Variants in SNX24 observed in about 807,000 individuals in gnomAD.
SNX24 encodes sorting nexin 24.
Under a neutral mutation model 28.7 loss-of-function variants are expected in SNX24, and 22 were observed. The ratio of observed to expected loss-of-function variants is 0.77; its 90% confidence interval spans 0.55 to 1.10. SNX24 has a LOEUF of 1.10. SNX24 is among the 50% of genes least tolerant of loss of function. SNX24 has a pLI of 0.00. For synonymous variants in SNX24, 69 were observed against 71.5 expected (o/e 0.96, Z 0.18); for missense variants, 221 against 201.1 (o/e 1.10, Z -0.60).
At chr5:122,874,244 C>T (rs551970813) in intron 1 of SNX24, among the ~76,000 whole-genome samples, 1 of 152,324 alleles carries the variant, frequency 6.6e-6, no homozygotes, top group East Asian at 1.9e-4. Context: ...AATTAGTATG[C>T]AACCCCAAAG....
chr5:123,000,629 C>T lies in SNX24; in HGVS notation c.344+623C>T, dbSNP rs547209142. Among the ~76,000 whole-genome samples the T allele has an allele frequency of 2.0e-5, 3 of 152,212 alleles. No individual in the cohort carries two copies. The East Asian group carries it at 5.8e-4, about 29-fold the overall frequency. On this transcript the variant is annotated intron_variant, in intron 4 of 6. Coordinates refer to ENST00000261369, the MANE Select transcript of SNX24 (RefSeq NM_014035.4). ...AACCCATTGGTCCTAACCCAAGGAC[C>T]CAGAGGTTTGATATCATCAGCAATT...
At chr5:122,979,048 A>G (rs1761284528) in intron 3 of SNX24, among the ~76,000 whole-genome samples, 1 of 142,282 alleles carries the variant, frequency 7.0e-6, no homozygotes, top group Non-Finnish European at 1.5e-5. Context: ...TATCCCTTCT[A>G]AAACAGTCTT....
chr5:123,019,289 G>GAA (rs76674069), intron 5 of SNX24, among the ~76,000 whole-genome samples: 33 of 128,298 alleles, frequency 2.6e-4, no homozygotes, highest in Middle Eastern at 3.7e-3. Context: ...TCTTTAATTT[G>GAA]AAAAAAAAAA....
intron 3 of SNX24, among the ~76,000 whole-genome samples, chr5:122,993,080 T>C (rs1761921251): frequency 6.6e-6 from 1 of 152,098 alleles, no homozygotes. Context: ...TCCTCAGATT[T>C]CTTGCAAGAT....
At chr5:122,972,450 C>G (rs1231419109) in intron 3 of SNX24, among the ~76,000 whole-genome samples, 2 of 152,160 alleles carry the variant, frequency 1.3e-5, no homozygotes, top group Non-Finnish European at 2.9e-5. Context: ...CTGCCCCAGC[C>G]CTGCAAAGTA....
chr5:122,898,582 C>G (rs957175844), intron 1 of SNX24, among the ~76,000 whole-genome samples: 1 of 151,972 alleles, frequency 6.6e-6, no homozygotes, highest in African/African-American at 2.4e-5. Context: ...GTTCTTTGGT[C>G]TGGGAAAGGA....
chr5:123,008,976 A>C lies in SNX24; in HGVS notation c.*1227A>C. ...CTGTGGGAGCAAGGTATTTAAAATC[A>C]AAACTAATAACTACATCATGGTTTT... On this transcript the variant is annotated 3_prime_UTR_variant, in exon 7 of 7. Coordinates refer to ENST00000261369, the MANE Select transcript of SNX24 (RefSeq NM_014035.4). 4 of 985,808 alleles carry C rather than the reference A, an allele frequency of 4.1e-6. No individual in the cohort carries two copies. Among genetic ancestry groups the C allele is most frequent in the Non-Finnish European group, 4.8e-6 (4 of 829,856 alleles). The allele number at this position is 985,808 out of a possible 1,614,324, so 61.1% of individuals were successfully genotyped here.
chr5:122,981,074 G>A (rs1761375521), intron 3 of SNX24, among the ~76,000 whole-genome samples: 1 of 152,138 alleles, frequency 6.6e-6, no homozygotes, highest in Non-Finnish European at 1.5e-5. Flanking sequence ...CCAAAGTATT[G>A]ATTGTGAAAA....
At chr5:122,934,194 C>T (rs1034349822) in intron 1 of SNX24, among the ~76,000 whole-genome samples, 3 of 152,052 alleles carry the variant, frequency 2.0e-5, no homozygotes, top group East Asian at 1.9e-4. Flanking sequence ...TTCCCAGCGC[C>T]GTCCTGGAGG....
chr5:123,024,785 A>G (rs1377598649), intron 5 of SNX24, among the ~76,000 whole-genome samples: 1 of 152,248 alleles, frequency 6.6e-6, no homozygotes, highest in African/African-American at 2.4e-5. Flanking sequence ...TGAGGGAGGT[A>G]GAATAAGTCA....
At chr5:122,853,383 T>C (rs1390507892) in intron 1 of SNX24, among the ~76,000 whole-genome samples, 1 of 152,134 alleles carries the variant, frequency 6.6e-6, no homozygotes, top group Non-Finnish European at 1.5e-5. Flanking sequence ...CGCCTCGGCC[T>C]CCCAAAGTGC....
intron 3 of SNX24, among the ~76,000 whole-genome samples, chr5:122,946,905 T>C (rs1159108269): frequency 6.6e-6 from 1 of 152,172 alleles, no homozygotes; most frequent in African/African-American, 2.4e-5. Flanking sequence ...GGGCAGGCCC[T>C]GAGGTCAGCC....
chr5:122,976,119 A>T (rs1412352197), intron 3 of SNX24, among the ~76,000 whole-genome samples: 1 of 152,188 alleles, frequency 6.6e-6, no homozygotes, highest in Admixed American at 6.5e-5. Flanking sequence ...CTTTAAATGT[A>T]TGTATTCTGA....
intron 5 of SNX24, chr5:123,023,833 C>CACACACACACACAT: frequency 1.9e-6 from 3 of 1,607,830 alleles, no homozygotes; most frequent in Non-Finnish European, 2.5e-6. Flanking sequence ...CACACACACA[C>CACACACACACACAT]ACACCCCTGC....
At chr5:122,965,449 G>T (rs772112267) in intron 3 of SNX24, 2 of 455,658 alleles carry the variant, frequency 4.4e-6, no homozygotes, top group Non-Finnish European at 8.8e-6. Context: ...CAAGAGAAAT[G>T]TGGGTGCTTA....
chr5:123,006,213 C>T lies in SNX24; in HGVS notation c.443-1469C>T, dbSNP rs183369205. Reference sequence around the variant, plus strand: ...TTGACTTCCCCTTTGGCAAGTCTCACGGGTGCCTCAAACACAAGTTCCAGA... The same window carrying T: ...TTGACTTCCCCTTTGGCAAGTCTCATGGGTGCCTCAAACACAAGTTCCAGA... On this transcript the variant is annotated intron_variant, in intron 6 of 6. Coordinates refer to ENST00000261369, the MANE Select transcript of SNX24 (RefSeq NM_014035.4). 1.6e-3 allele frequency among the ~76,000 whole-genome samples: 246 copies of T among 152,298 alleles called. 1 individual carries two copies. The highest frequency in any genetic ancestry group is 5.9e-3 in the African/African-American group (244 of 41,558).
intron 1 of SNX24, among the ~76,000 whole-genome samples, chr5:122,860,575 A>G (rs750560781): frequency 5.9e-5 from 9 of 152,118 alleles, no homozygotes; most frequent in Non-Finnish European, 1.2e-4. Context: ...ATTTCTAACA[A>G]TTTTTAAAGA....
chr5:122,950,241 T>C (rs560219319), intron 3 of SNX24, among the ~76,000 whole-genome samples: 2 of 152,322 alleles, frequency 1.3e-5, no homozygotes, highest in African/African-American at 4.8e-5. Context: ...TAGAAATTCA[T>C]CTACTTTGGA....
intron 1 of SNX24, among the ~76,000 whole-genome samples, chr5:122,924,409 G>T (rs187702780): frequency 6.6e-6 from 1 of 152,188 alleles, no homozygotes; most frequent in Non-Finnish European, 1.5e-5. Context: ...ACTAATGGGT[G>T]GGGGTGCAGA....
Sources: allele counts gnomAD v4.1 joint callset (sites outside exome capture counted in the v4.1 genomes callset), GRCh38; gene constraint gnomAD v4.1.1; transcripts MANE v1.5; gene names NCBI Gene and HGNC (gene_info 2026-07-23, HGNC 2026-07-21).